Variants in TARBP1 observed in about 807,000 individuals in gnomAD.
TARBP1 encodes the protein tRNA (guanosine(18)-2'-O)-methyltransferase TARBP1.
In TARBP1, 144 loss-of-function variants were observed where a neutral mutation model predicts 178.6. That is an observed-to-expected ratio of 0.81 (90% CI 0.70 to 0.93). TARBP1 has a LOEUF of 0.93. Ranked by LOEUF, TARBP1 falls within the 40% of genes least tolerant of loss-of-function variation. The pLI, the probability that TARBP1 is intolerant of heterozygous loss-of-function variation, is 0.00. For synonymous variants in TARBP1, 787 were observed against 781.0 expected (o/e 1.01, Z -0.13); for missense variants, 2,067 against 2,011.7 (o/e 1.03, Z -0.53).
Position 234,465,668 on chromosome 1 carries a change from G to C in TARBP1, c.1289C>G (p.Ser430Cys). The C allele has an allele frequency of 6.4e-7, 1 of 1,552,276 alleles. No individual in the cohort carries two copies. The highest frequency in any genetic ancestry group is 8.7e-7 in the Non-Finnish European group (1 of 1,152,350). ...AATGTCTCTTTACCTGCTATACAGA[G>C]AGCTCTCTGAAAGCGCATCCATTAA... ...GPLMDALSESSLYSRSPGQPI... is the reference protein window; with the variant it reads ...GPLMDALSESCLYSRSPGQPI... The change falls in exon 5 of 30, where the codon TCT becomes TGT. Residue 430 changes from serine (S) to cysteine (C), a missense_variant. Physicochemically the swap from Ser to Cys is moderately radical, Grantham distance 112. Transcript: ENST00000040877.
intron 25 of TARBP1, among the ~76,000 whole-genome samples, chr1:234,399,673 G>A (rs982419043): frequency 9.2e-5 from 14 of 151,986 alleles, no homozygotes; most frequent in African/African-American, 3.4e-4. Flanking sequence ...AAGAAAATGT[G>A]GCACATATAC....
chr1:234,403,232 C>G (rs1182219969), intron 24 of TARBP1, among the ~76,000 whole-genome samples: 1 of 152,212 alleles, frequency 6.6e-6, no homozygotes, highest in African/African-American at 2.4e-5. Context: ...CCAGACCAAG[C>G]TTGCTTTAGT....
intron 9 of TARBP1, 57 bp downstream of exon 9, chr1:234,457,610 T>G (rs1667417582): frequency 7.9e-7 from 1 of 1,266,912 alleles, no homozygotes; most frequent in Non-Finnish European, 1.1e-6. Context: ...AGAAATTCAT[T>G]AAGAAAACCA....
chr1:234,434,361 A>T (rs1664792988), intron 13 of TARBP1, among the ~76,000 whole-genome samples: 1 of 152,210 alleles, frequency 6.6e-6, no homozygotes, highest in Non-Finnish European at 1.5e-5. Flanking sequence ...AGCACACAGG[A>T]AGTAATTTAA....
rs773481073 is a variant in TARBP1, at chr1:234,478,405, C to G, written c.699G>C (p.Leu233=). 7 of 1,367,054 alleles carry G rather than the reference C, an allele frequency of 5.1e-6. No homozygotes were observed. In the Admixed American group the frequency reaches 1.9e-4, roughly 38 times the overall value. 84.7% of individuals were successfully genotyped at this position (1,367,054 alleles called of 1,614,324 possible). A position where few individuals can be genotyped will look rare whatever the true frequency, so the allele number is the denominator to read the frequency against. ...SGRVEEKLLV[L]SALAEKLLPE... The stretch of plus-strand genomic sequence containing the variant: ...GCAACAGCTTCTCGGCCAGGGCGCT[C>G]AGGACCAGCAGCTTCTCCTCTACGC... Residue 233 remains leucine (L), a synonymous_variant, in exon 1 of 30, where the codon CTG becomes CTC. Transcript: ENST00000040877.
At chr1:234,399,232 A>C (rs1032359665) in intron 25 of TARBP1, among the ~76,000 whole-genome samples, 9 of 152,270 alleles carry the variant, frequency 5.9e-5, no homozygotes, top group African/African-American at 2.2e-4. Flanking sequence ...AGTACATAGG[A>C]AGCAGAGGTC....
At chr1:234,398,349 A>C (rs1253689757) in intron 26 of TARBP1, 33 bp downstream of exon 26, 2 of 1,541,410 alleles carry the variant, frequency 1.3e-6, no homozygotes, top group Non-Finnish European at 8.8e-7. Flanking sequence ...CAGATCAACA[A>C]GGGGAAAAAA....
intron 14 of TARBP1, among the ~76,000 whole-genome samples, chr1:234,432,273 C>T (rs1664519959): frequency 6.6e-6 from 1 of 151,628 alleles, no homozygotes; most frequent in African/African-American, 2.4e-5. Context: ...AAAACCCCAA[C>T]TCTACTAAAA....
chr1:234,442,913 A>G (rs1409466006), intron 12 of TARBP1, among the ~76,000 whole-genome samples: 1 of 152,174 alleles, frequency 6.6e-6, no homozygotes, highest in Non-Finnish European at 1.5e-5. Flanking sequence ...CTCAAGGCAC[A>G]TTCCCTGGTC....
chr1:234,427,441 A>T, intron 18 of TARBP1, 53 bp from the exon 19 acceptor site: 1 of 1,505,712 alleles, frequency 6.6e-7, no homozygotes, highest in African/African-American at 1.4e-5. Context: ...TAGAAAAAAA[A>T]TTAAATCCCC....
intron 9 of TARBP1, among the ~76,000 whole-genome samples, chr1:234,456,049 C>G (rs1425899229): frequency 6.6e-6 from 1 of 152,188 alleles, no homozygotes; most frequent in Non-Finnish European, 1.5e-5. Flanking sequence ...TATTGTATCA[C>G]TGTAGATAAA....
At chr1:234,433,287 T>A in intron 14 of TARBP1, 123 bp downstream of exon 14, 1 of 992,370 alleles carries the variant, frequency 1.0e-6, no homozygotes, top group Non-Finnish European at 1.4e-6. Context: ...CTAGAGGGTA[T>A]ATTTTAAAAC....
intron 3 of TARBP1, 113 bp from the exon 4 acceptor site, chr1:234,467,763 C>T: frequency 1.8e-6 from 2 of 1,122,336 alleles, no homozygotes; most frequent in Non-Finnish European, 2.4e-6. Context: ...TATAACACTA[C>T]AAGAAGTTTT....
rs1668328342 is a variant in TARBP1, at chr1:234,465,382, A to C, written c.1301+274T>G. ...AAGAGAGCAGGAAGCAGCAGTAGGGAGAAGAAAGTGTGCTGTAGAAGACAT... is the reference window on the plus strand; with the variant it reads ...AAGAGAGCAGGAAGCAGCAGTAGGGCGAAGAAAGTGTGCTGTAGAAGACAT... On this transcript the variant is annotated intron_variant, in intron 5 of 29. Transcript: ENST00000040877. Among the ~76,000 whole-genome samples, 3 of 152,314 alleles carry C rather than the reference A, an allele frequency of 2.0e-5. No individual in the cohort carries two copies. In the South Asian group the frequency reaches 6.2e-4, roughly 32 times the overall value.
intron 23 of TARBP1, chr1:234,407,607 A>C (rs1661390539): frequency 3.9e-5 from 6 of 152,230 alleles, no homozygotes; most frequent in Admixed American, 3.9e-4. Context: ...AAAGTGCAGG[A>C]TTACAGGCAT....
intron 9 of TARBP1, among the ~76,000 whole-genome samples, chr1:234,450,818 A>G (rs898578511): frequency 1.3e-5 from 2 of 151,560 alleles, no homozygotes; most frequent in Non-Finnish European, 2.9e-5. Flanking sequence ...ATATACACAT[A>G]TGTGTGTGTG....
chr1:234,443,363 T>A (rs1370758119), intron 12 of TARBP1, among the ~76,000 whole-genome samples: 2 of 151,642 alleles, frequency 1.3e-5, no homozygotes, highest in Admixed American at 1.3e-4. Flanking sequence ...GTAAACTGAA[T>A]CCCAACAGAA....
intron 9 of TARBP1, among the ~76,000 whole-genome samples, chr1:234,454,304 G>T (rs2103238209): frequency 6.6e-6 from 1 of 152,214 alleles, no homozygotes; most frequent in South Asian, 2.1e-4. Context: ...TGACCAAACA[G>T]AAAGAAAATA....
chr1:234,470,974 C>T (rs970944594), intron 3 of TARBP1, among the ~76,000 whole-genome samples: 3 of 151,792 alleles, frequency 2.0e-5, no homozygotes, highest in Admixed American at 6.6e-5. Flanking sequence ...AGTTATTATG[C>T]TAAGTGAGAT....
Sources: gnomAD v4.1 joint callset for allele counts (sites outside exome capture counted in the v4.1 genomes callset) on GRCh38, gnomAD v4.1.1 for gene constraint, MANE v1.5 for transcripts, NCBI Gene and HGNC (gene_info 2026-07-23, HGNC 2026-07-21) for gene names.